Variants in CCKAR observed in about 807,000 individuals in gnomAD.
CCKAR encodes the protein cholecystokinin receptor type A.
A neutral mutation model predicts 29.8 loss-of-function variants in CCKAR; 21 were observed. The ratio of observed to expected loss-of-function variants is 0.70; its 90% CI spans 0.50 to 1.01. The LOEUF is 1.01. CCKAR is among the 50% of genes least tolerant of loss of function. The pLI, the probability that CCKAR is intolerant of heterozygous loss-of-function variation, is 0.00. For missense variants in CCKAR, 570 were observed against 560.6 expected, an observed-to-expected ratio of 1.02 and a Z score of -0.17; for synonymous variants, 238 against 221.3, an observed-to-expected ratio of 1.08 and a Z score of -0.67.
chr4:26,482,680 A>G (rs1236127082), intron 4 of CCKAR, among the ~76,000 whole-genome samples: 4 of 152,192 alleles, frequency 2.6e-5, no homozygotes, highest in Admixed American at 2.0e-4. Context: ...AGTGGATTGT[A>G]ATGAATGGAG....
intron 4 of CCKAR, among the ~76,000 whole-genome samples, chr4:26,482,567 C>T (rs1737371397): frequency 6.6e-6 from 1 of 152,114 alleles, no homozygotes; most frequent in Admixed American, 6.6e-5. Context: ...ACCAAAGAAG[C>T]TAGAGAGACT....
At chr4:26,486,075 G>T (rs1194994398) in intron 2 of CCKAR, among the ~76,000 whole-genome samples, 177 bp from the exon 3 acceptor site, 1 of 152,204 alleles carries the variant, frequency 6.6e-6, no homozygotes, top group Non-Finnish European at 1.5e-5. Context: ...CTTTGTTCCA[G>T]AAAGGGTTTA....
chr4:26,489,605 C>T, intron 1 of CCKAR, 121 bp from the exon 2 acceptor site: 1 of 1,053,102 alleles, frequency 9.5e-7, no homozygotes, highest in African/African-American at 1.6e-5. Flanking sequence ...TCACTGGACC[C>T]ACGATTCCTG....
At chr4:26,488,239 T>G (rs1345885991) in intron 2 of CCKAR, among the ~76,000 whole-genome samples, 1 of 152,196 alleles carries the variant, frequency 6.6e-6, no homozygotes, top group Non-Finnish European at 1.5e-5. Flanking sequence ...ATGTGTTTTT[T>G]TGTTCAACTT....
In CCKAR at chr4:26,485,797, A is replaced by AT; in HGVS notation, c.465dup (p.Ser156IlefsTer25). On this transcript the variant is annotated frameshift_variant, in exon 3 of 5. Coordinates refer to ENST00000295589, the MANE Select transcript of CCKAR (RefSeq NM_000730.3). LOFTEE classifies it high-confidence loss of function. ...GCAGCAATCACCTTCAAAGCATGGG[A>AT]TTTTGTCTGCCAGACCCGGGACTGT... is the stretch of plus-strand genomic sequence containing the variant. The AT allele has an allele frequency of 6.2e-7, 1 of 1,614,034 alleles. No homozygotes were observed. The highest frequency in any genetic ancestry group is 8.5e-7 in the Non-Finnish European group (1 of 1,180,000).
chr4:26,483,162 C>A lies in CCKAR; in HGVS notation c.748G>T (p.Ala250Ser). The A allele has an allele frequency of 6.2e-7, 1 of 1,613,452 alleles. No individual in the cohort carries two copies. Among genetic ancestry groups the A allele is most frequent in the African/African-American group, 1.3e-5 (1 of 75,046 alleles). ...IKFEASQKKSAKERKPSTTSS... is the reference protein window; with the variant it reads ...IKFEASQKKSSKERKPSTTSS... ...ACAGCTACAAGATAGTTACCTTTAG[C>A]AGACTTCTTCTGGCTAGCCTCAAAT... The change falls in exon 4 of 5, where the codon GCT becomes TCT. Residue 250 changes from alanine (A) to serine (S), a missense_variant. Coordinates refer to ENST00000295589, the MANE Select transcript of CCKAR (RefSeq NM_000730.3).
chr4:26,490,405 C>CT lies in CCKAR; in HGVS notation c.-139dup, dbSNP rs1016535607. The CT allele has an allele frequency of 2.0e-4, 128 of 627,264 alleles. No homozygotes were observed. Among genetic ancestry groups the CT allele is most frequent in the African/African-American group, 1.9e-3 (104 of 54,400 alleles). 38.9% of individuals were successfully genotyped at this position (627,264 alleles called of 1,614,324 possible). A position where few individuals can be genotyped will look rare whatever the true frequency, so the allele number is the denominator to read the frequency against. ...GGAGGGAGTGATTTCCAGGTGTGGG[C>CT]TTTTTCAGCCATTCCTAAAGGCGAC... On this transcript the variant is annotated 5_prime_UTR_variant, in exon 1 of 5. It removes the in-frame stop codon of an upstream open reading frame in the 5' UTR. Coordinates refer to ENST00000295589, the MANE Select transcript of CCKAR (RefSeq NM_000730.3).
chr4:26,481,698 T>A lies in CCKAR; in HGVS notation c.1227A>T (p.Thr409=). Reference sequence around the variant, plus strand: ...ACGAGAACCTGGACAGAGAGGCTCCTGTGGTCCCGCCTTCCTCCTCCTCCC... The same window carrying A: ...ACGAGAACCTGGACAGAGAGGCTCCAGTGGTCCCGCCTTCCTCCTCCTCCC... The part of the protein sequence containing the change: ...EVGEEEEGGT[T]GASLSRFSYS... The change falls in exon 5 of 5, where the codon ACA becomes ACT. Residue 409 remains threonine, a synonymous_variant. Coordinates refer to ENST00000295589, the MANE Select transcript of CCKAR (RefSeq NM_000730.3). 1 of 1,614,202 alleles carries A rather than the reference T, an allele frequency of 6.2e-7. No homozygotes were observed. Among genetic ancestry groups the A allele is most frequent in the Non-Finnish European group, 8.5e-7 (1 of 1,180,036 alleles).
intron 1 of CCKAR, among the ~76,000 whole-genome samples, chr4:26,489,904 T>TCAGCTTTTCCTCCC (rs1216360745): frequency 6.6e-6 from 1 of 152,100 alleles, no homozygotes; most frequent in Admixed American, 6.5e-5. Context: ...CTTGCTTCAC[T>TCAGCTTTTCCTCCC]CAGCTTTTCC....
intron 2 of CCKAR, among the ~76,000 whole-genome samples, chr4:26,487,339 C>T (rs73247908): frequency 0.01 from 1,598 of 152,262 alleles, 16 homozygotes; most frequent in Non-Finnish European, 0.014. Context: ...AAACCATTAA[C>T]TAAAAACTCA....
intron 2 of CCKAR, among the ~76,000 whole-genome samples, chr4:26,488,075 A>G (rs1489681232): frequency 6.6e-6 from 1 of 152,110 alleles, no homozygotes; most frequent in African/African-American, 2.4e-5. Context: ...GTCATTGAAG[A>G]CTGCCCTAGC....
At chr4:26,483,051 G>T in intron 4 of CCKAR, 105 bp downstream of exon 4, 3 of 1,168,882 alleles carry the variant, frequency 2.6e-6, no homozygotes, top group Non-Finnish European at 3.6e-6. Flanking sequence ...ATACTTAAAA[G>T]CTTTTCCAAC....
intron 3 of CCKAR, 70 bp downstream of exon 3, chr4:26,485,567 A>AT: frequency 6.5e-7 from 1 of 1,535,164 alleles, no homozygotes; most frequent in Non-Finnish European, 9.0e-7. Context: ...TGGGCAAGGC[A>AT]TCTCAGTTTT....
At chr4:26,483,357 G>C in intron 3 of CCKAR, 74 bp from the exon 4 acceptor site, 1 of 1,458,998 alleles carries the variant, frequency 6.9e-7, no homozygotes, top group Non-Finnish European at 9.4e-7. Flanking sequence ...AATGAATAGG[G>C]TTTATGTTTA....
intron 3 of CCKAR, 118 bp from the exon 4 acceptor site, chr4:26,483,401 A>C: frequency 1.1e-6 from 1 of 891,700 alleles, no homozygotes; most frequent in Non-Finnish European, 1.7e-6. Flanking sequence ...ATTAATTACT[A>C]GTATTTAATA....
In CCKAR at chr4:26,481,617, G is replaced by C; in HGVS notation, c.*21C>G. The C allele has an allele frequency of 6.2e-7, 1 of 1,612,528 alleles. No homozygotes were observed. On this transcript the variant is annotated 3_prime_UTR_variant, in exon 5 of 5. Coordinates refer to ENST00000295589, the MANE Select transcript of CCKAR (RefSeq NM_000730.3). ...TGCCTCCTCCCTGCCTTCCTTCTGC[G>C]GTGGAGGGTCAGGGGACATCTCACT...
Position 26,489,387 on chromosome 4 carries a change from C to T in CCKAR, c.210G>A (p.Lys70=). 6.2e-7 allele frequency: 1 copy of T among 1,614,200 alleles called. No individual in the cohort carries two copies. Residue 70 remains lysine, a synonymous_variant, in exon 2 of 5, where the codon AAG becomes AAA. Transcript: ENST00000295589. ...AGATGTTGGTGACCGTCCGCATCCGCTTGTTCCGAATCAGCACGGTGATGA... is the reference window on the plus strand; with the variant it reads ...AGATGTTGGTGACCGTCCGCATCCGTTTGTTCCGAATCAGCACGGTGATGA... ...TLVITVLIRN[K]RMRTVTNIFL...
Position 26,485,854 on chromosome 4 carries a change from G to C in CCKAR, c.409C>G (p.Leu137Val), listed in dbSNP as rs200085801. ...VSTFNLVAIS[L>V]ERYGAICKPL... ...TTGCAAATCGCACCATATCTCTCTA[G>C]AGATATGGCTACCAGATTAAAGGTA... is the stretch of plus-strand genomic sequence containing the variant. The change falls in exon 3 of 5, where the codon CTA becomes GTA. Residue 137 changes from leucine to valine, a missense_variant. Physicochemically the swap from Leu to Val is conservative, Grantham distance 32. Coordinates refer to ENST00000295589, the MANE Select transcript of CCKAR (RefSeq NM_000730.3). 6.2e-6 allele frequency: 10 copies of C among 1,613,882 alleles called. No individual in the cohort carries two copies. The highest frequency in any genetic ancestry group is 8.5e-6 in the Non-Finnish European group (10 of 1,179,904).
At chr4:26,487,754 C>T (rs1437558845) in intron 2 of CCKAR, among the ~76,000 whole-genome samples, 1 of 152,124 alleles carries the variant, frequency 6.6e-6, no homozygotes, top group Non-Finnish European at 1.5e-5. Flanking sequence ...CAATGTTTTG[C>T]CACCATGAAA....
Sources: allele counts gnomAD v4.1 joint callset (sites outside exome capture counted in the v4.1 genomes callset), GRCh38; gene constraint gnomAD v4.1.1; transcripts MANE v1.5; gene names NCBI Gene and HGNC (gene_info 2026-07-23, HGNC 2026-07-21).